MYO1B: variants seen among roughly 807,000 people sequenced by gnomAD.
MYO1B encodes the protein unconventional myosin-Ib.
Under a neutral mutation model 159.7 loss-of-function variants are expected in MYO1B, and 72 were observed. The ratio of observed to expected loss-of-function variants is 0.45; its 90% CI spans 0.37 to 0.55. The LOEUF is 0.55. Ranked by LOEUF, MYO1B falls within the 20% of genes least tolerant of loss-of-function variation. MYO1B has a pLI of 0.00. For synonymous variants in MYO1B, 468 were observed against 473.8 expected (o/e 0.99, Z 0.16); for missense variants, 1,062 against 1,364.8 (o/e 0.78, Z 3.50).
chr2:191,392,385 CG>C (rs796739909), intron 19 of MYO1B, among the ~76,000 whole-genome samples, 184 bp downstream of exon 19: 10 of 152,222 alleles, frequency 6.6e-5, no homozygotes, highest in African/African-American at 2.2e-4. Flanking sequence ...TAGAAGAATG[CG>C]TATTTTTTAT....
At chr2:191,307,235 T>A (rs1295222365) in intron 3 of MYO1B, among the ~76,000 whole-genome samples, 1 of 150,036 alleles carries the variant, frequency 6.7e-6, no homozygotes, top group Admixed American at 6.7e-5. Context: ...TTCCTTCTGT[T>A]TTTTTTTTTA....
At chr2:191,283,402 C>T (rs188225505) in intron 2 of MYO1B, among the ~76,000 whole-genome samples, 14 of 152,320 alleles carry the variant, frequency 9.2e-5, no homozygotes, top group Non-Finnish European at 1.6e-4. Context: ...AAAAACTTGA[C>T]GTCTAGTCCT....
Position 191,329,211 on chromosome 2 carries a change from C to T in MYO1B, c.252-724C>T, listed in dbSNP as rs1168237453. On this transcript the variant is annotated intron_variant, in intron 3 of 30. Transcript: ENST00000392318. ...AAGAGCAACAGGACCACTGCTCTGG[C>T]CTTACTTGATAGAGGCCCTTTGTCA... is the stretch of plus-strand genomic sequence containing the variant. Among the ~76,000 whole-genome samples, 4 of 152,198 alleles carry T rather than the reference C, an allele frequency of 2.6e-5. No homozygotes were observed. The East Asian group carries it at 7.7e-4, about 29-fold the overall frequency.
intron 24 of MYO1B, among the ~76,000 whole-genome samples, chr2:191,404,249 A>C (rs959713861): frequency 1.3e-5 from 2 of 152,194 alleles, no homozygotes; most frequent in African/African-American, 4.8e-5. Flanking sequence ...AGGGGGCACC[A>C]TCGTATATGC....
At chr2:191,361,680 G>T (rs2126012348) in intron 8 of MYO1B, among the ~76,000 whole-genome samples, 1 of 151,976 alleles carries the variant, frequency 6.6e-6, no homozygotes, top group Middle Eastern at 3.4e-3. Context: ...GATCAAGCTA[G>T]CAGAGTTGTC....
chr2:191,252,658 C>T (rs1200174681), intron 1 of MYO1B, among the ~76,000 whole-genome samples: 1 of 152,186 alleles, frequency 6.6e-6, no homozygotes, highest in Non-Finnish European at 1.5e-5. Flanking sequence ...ACCTGCTCAG[C>T]TCCTAAATTT....
At chr2:191,298,364 G>C (rs1288863166) in intron 3 of MYO1B, among the ~76,000 whole-genome samples, 1 of 152,136 alleles carries the variant, frequency 6.6e-6, no homozygotes, top group Non-Finnish European at 1.5e-5. Flanking sequence ...TGATAGTTAA[G>C]CCCCTGTGAT....
intron 3 of MYO1B, among the ~76,000 whole-genome samples, chr2:191,329,489 A>G (rs1331596652): frequency 6.6e-6 from 1 of 151,832 alleles, no homozygotes; most frequent in Non-Finnish European, 1.5e-5. Flanking sequence ...CCAATTTTAG[A>G]CATGTGGTGT....
At chr2:191,381,667 G>T in intron 14 of MYO1B, 101 bp downstream of exon 14, 2 of 788,822 alleles carry the variant, frequency 2.5e-6, no homozygotes, top group Non-Finnish European at 4.1e-6. Flanking sequence ...TATTCAAAAG[G>T]CTACATACTG....
At chr2:191,310,137 A>G (rs1042858575) in intron 3 of MYO1B, among the ~76,000 whole-genome samples, 3 of 152,244 alleles carry the variant, frequency 2.0e-5, no homozygotes, top group Admixed American at 2.0e-4. Flanking sequence ...ACAAGGAACA[A>G]GTTGGAAGTG....
chr2:191,342,221 CT>C (rs1692268450), intron 5 of MYO1B, among the ~76,000 whole-genome samples: 1 of 152,172 alleles, frequency 6.6e-6, no homozygotes, highest in South Asian at 2.1e-4. Context: ...GACCTTTTCA[CT>C]GTGCTTGAGT....
intron 5 of MYO1B, among the ~76,000 whole-genome samples, chr2:191,345,453 G>T (rs1692507416): frequency 6.6e-6 from 1 of 152,148 alleles, no homozygotes; most frequent in African/African-American, 2.4e-5. Flanking sequence ...ATGACTCCGT[G>T]CTGTTCCCTG....
At chr2:191,356,539 A>G (rs1399685225) in intron 7 of MYO1B, among the ~76,000 whole-genome samples, 1 of 152,132 alleles carries the variant, frequency 6.6e-6, no homozygotes, top group African/African-American at 2.4e-5. Context: ...GTTGTTCTTC[A>G]TACAAACATA....
In MYO1B at chr2:191,396,475, A is replaced by G; in HGVS notation, c.2273A>G (p.Gln758Arg). 1 of 1,614,190 alleles carries G rather than the reference A, an allele frequency of 6.2e-7. No individual in the cohort carries two copies. ...ACAAAGAGTTCCGCCTTAGTAATTC[A>G]GTCTTATATCCGGGGTTGGAAGGTG... ...QQTKSSALVIQSYIRGWKARK... is the reference protein window; with the variant it reads ...QQTKSSALVIRSYIRGWKARK... Residue 758 changes from glutamine (Q) to arginine (R), a missense_variant, in exon 21 of 31, where the codon CAG becomes CGG. Physicochemically the swap from Gln to Arg is conservative, Grantham distance 43 (BLOSUM62 1). Coordinates refer to ENST00000392318, the MANE Select transcript of MYO1B (RefSeq NM_001130158.3).
At chr2:191,404,946 C>G (rs1036692177) in intron 24 of MYO1B, among the ~76,000 whole-genome samples, 1 of 152,138 alleles carries the variant, frequency 6.6e-6, no homozygotes, top group Admixed American at 6.5e-5. Context: ...AATAAGATAA[C>G]AATGAAATTT....
chr2:191,352,198 A>G lies in MYO1B; in HGVS notation c.562+1973A>G, dbSNP rs189057846. ...CAATATATGGCAGCTGATCAGAGCT[A>G]TCCAGCTAGTGGTTTGCCTCAGTTT... On this transcript the variant is annotated intron_variant, in intron 7 of 30. Transcript: ENST00000392318. Among the ~76,000 whole-genome samples, 296 of 152,352 alleles carry G rather than the reference A, an allele frequency of 1.9e-3. 1 individual carries two copies. The highest frequency in any genetic ancestry group is 6.5e-3 in the African/African-American group (269 of 41,586).
intron 6 of MYO1B, among the ~76,000 whole-genome samples, chr2:191,346,646 C>T (rs1468266960): frequency 6.6e-6 from 1 of 152,042 alleles, no homozygotes; most frequent in Non-Finnish European, 1.5e-5. Context: ...TAGGGTGCAC[C>T]GTAACCCTTG....
chr2:191,272,481 C>T (rs998201783), intron 1 of MYO1B, among the ~76,000 whole-genome samples: 4 of 152,194 alleles, frequency 2.6e-5, no homozygotes, highest in African/African-American at 9.7e-5. Context: ...TGAGGTGGCA[C>T]CTCTCCTGGG....
At chr2:191,389,317 G>A (rs1695596878) in intron 17 of MYO1B, among the ~76,000 whole-genome samples, 1 of 152,202 alleles carries the variant, frequency 6.6e-6, no homozygotes, top group Admixed American at 6.5e-5. Context: ...GTATTAGTTA[G>A]GACACAGGGA....
Sources: gnomAD v4.1 joint callset for allele counts (sites outside exome capture counted in the v4.1 genomes callset) on GRCh38, gnomAD v4.1.1 for gene constraint, MANE v1.5 for transcripts, NCBI Gene and HGNC (gene_info 2026-07-23, HGNC 2026-07-21) for gene names.